Variants in FKTN observed in about 807,000 individuals in gnomAD.
FKTN encodes ribitol-5-phosphate transferase FKTN.
FKTN carries 47 observed loss-of-function variants against 58.6 expected under a neutral mutation model. The observed-to-expected ratio is 0.80, with a 90% CI of 0.63 to 1.02. The LOEUF is 1.02. Among genes scored for constraint, FKTN ranks in the 50% least tolerant of loss-of-function variants. The pLI is 0.00. For synonymous variants in FKTN, 178 were observed against 191.9 expected (o/e 0.93, Z 0.60); for missense variants, 516 against 537.3 (o/e 0.96, Z 0.39).
At chr9:105,586,318 T>C (rs1253124411) in intron 3 of FKTN, among the ~76,000 whole-genome samples, 1 of 152,218 alleles carries the variant, frequency 6.6e-6, no homozygotes, top group Admixed American at 6.5e-5. Context: ...AGGTCTTGGA[T>C]ATACAAACTC....
At chr9:105,580,995 C>G (rs1448177228) in intron 3 of FKTN, among the ~76,000 whole-genome samples, 4 of 138,054 alleles carry the variant, frequency 2.9e-5, no homozygotes, top group African/African-American at 5.9e-5. Flanking sequence ...ACGTAGTTCT[C>G]GAGCCTTGGT....
Position 105,618,042 on chromosome 9 carries a change from ATT to A in FKTN, c.997_998del (p.Leu333SerfsTer29). 6.2e-7 allele frequency: 1 copy of A among 1,608,970 alleles called. No individual in the cohort carries two copies. The highest frequency in any genetic ancestry group is 8.5e-7 in the Non-Finnish European group (1 of 1,175,288). On this transcript the variant is annotated frameshift_variant, in exon 9 of 11. Coordinates refer to ENST00000357998, the MANE Select transcript of FKTN (RefSeq NM_001079802.2). LOFTEE classifies it high-confidence loss of function. ...IFIQDYKSDIILAFQDAGLPL... is the reference protein window; with the variant it reads ...IFIQDYKSDIXLAFQDAGLPL... The stretch of plus-strand genomic sequence containing the variant: ...TATACAAGATTACAAATCTGATATT[ATT>A]TTAGCATTTCAGGATGCAGGACTTC...
In FKTN at chr9:105,596,667, A is replaced by G. The variant is rs2132596452; in HGVS notation, c.165+10A>G. ...TGATAGCACACAGTGGGTATGTAGA[A>G]TAAACAAGAAATTTCTCAATTATAA... is the stretch of plus-strand genomic sequence containing the variant. On this transcript the variant is annotated intron_variant, in intron 4 of 10. Coordinates refer to ENST00000357998, the MANE Select transcript of FKTN (RefSeq NM_001079802.2). The G allele has an allele frequency of 6.3e-7, 1 of 1,583,418 alleles. No individual in the cohort carries two copies. Among genetic ancestry groups the G allele is most frequent in the Non-Finnish European group, 8.7e-7 (1 of 1,152,240 alleles).
intron 1 of FKTN, among the ~76,000 whole-genome samples, chr9:105,559,598 C>G (rs569882785): frequency 6.6e-6 from 1 of 151,740 alleles, no homozygotes; most frequent in Non-Finnish European, 1.5e-5. Flanking sequence ...GCAGGAGAAT[C>G]GCTTGAACTT....
intron 3 of FKTN, among the ~76,000 whole-genome samples, chr9:105,576,230 A>G (rs540590704): frequency 3.0e-4 from 45 of 150,308 alleles, no homozygotes; most frequent in Non-Finnish European, 5.7e-4. Context: ...GGTTAGTTAC[A>G]TATGTATACA....
intron 3 of FKTN, among the ~76,000 whole-genome samples, chr9:105,591,217 A>G (rs2768292): frequency 0.56 from 85,496 of 151,974 alleles, 24,372 homozygotes; most frequent in East Asian, 0.7. Flanking sequence ...TTCACATTGC[A>G]AAATACAATC....
chr9:105,597,049 A>G (rs772952269), intron 4 of FKTN, among the ~76,000 whole-genome samples: 2 of 152,212 alleles, frequency 1.3e-5, no homozygotes, highest in African/African-American at 2.4e-5. Context: ...ATAAAAATCT[A>G]TTCAACCTAT....
In FKTN at chr9:105,601,144, G is replaced by C; in HGVS notation, c.166-1G>C. 6.4e-7 allele frequency: 1 copy of C among 1,560,868 alleles called. No homozygotes were observed. Among genetic ancestry groups the C allele is most frequent in the Non-Finnish European group, 8.8e-7 (1 of 1,133,354 alleles). On this transcript the variant is annotated splice_acceptor_variant, in intron 4 of 10. Transcript: ENST00000357998. LOFTEE classifies it high-confidence loss of function. ...ACGAGAATTCTTTTTCTCTCAAACAGCGTGCAGTTAAAAAATTTATTATGT... is the reference window on the plus strand; with the variant it reads ...ACGAGAATTCTTTTTCTCTCAAACACCGTGCAGTTAAAAAATTTATTATGT...
At chr9:105,559,006 T>C (rs1348935112) in intron 1 of FKTN, among the ~76,000 whole-genome samples, 1 of 152,224 alleles carries the variant, frequency 6.6e-6, no homozygotes, top group East Asian at 1.9e-4. Context: ...CAGGGTGTTC[T>C]GACAAGGAAG....
chr9:105,574,098 T>C (rs1483629757), intron 2 of FKTN: 2 of 152,080 alleles, frequency 1.3e-5, no homozygotes, highest in African/African-American at 2.4e-5. Flanking sequence ...TAGAATACAA[T>C]AGAACTGTAA....
intron 10 of FKTN, among the ~76,000 whole-genome samples, chr9:105,625,924 G>A (rs775397705): frequency 1.3e-5 from 2 of 151,700 alleles, no homozygotes; most frequent in Non-Finnish European, 1.5e-5. Context: ...AGGTAACAGC[G>A]ATGCTAACTT....
chr9:105,636,760 AT>A lies in FKTN; in HGVS notation c.*1497del, dbSNP rs1564360354. 3.1e-6 allele frequency: 4 copies of A among 1,287,978 alleles called. No homozygotes were observed. In the South Asian group the frequency reaches 5.1e-5, roughly 16 times the overall value. 79.8% of individuals were successfully genotyped at this position (1,287,978 alleles called of 1,614,324 possible). A position where few individuals can be genotyped will look rare whatever the true frequency, so the allele number is the denominator to read the frequency against. ...GATTTTCCTCTGACACCAGAGAACA[AT>A]AGTAGTCTCAAGAATGGAAACCTGA... On this transcript the variant is annotated 3_prime_UTR_variant, in exon 11 of 11. Transcript: ENST00000357998.
intron 1 of FKTN, among the ~76,000 whole-genome samples, chr9:105,564,140 C>A (rs1359453311): frequency 6.6e-6 from 1 of 152,162 alleles, no homozygotes; most frequent in African/African-American, 2.4e-5. Flanking sequence ...ACATCAAAAC[C>A]CATTTGTACA....
At chr9:105,622,054 A>G (rs1224208210) in intron 10 of FKTN, among the ~76,000 whole-genome samples, 1 of 152,078 alleles carries the variant, frequency 6.6e-6, no homozygotes, top group African/African-American at 2.4e-5. Flanking sequence ...GTTTGAGAAT[A>G]TGGGTTTATT....
chr9:105,620,016 A>G lies in FKTN; in HGVS notation c.1127A>G (p.His376Arg). 4 of 1,612,892 alleles carry G rather than the reference A, an allele frequency of 2.5e-6. No homozygotes were observed. The highest frequency in any genetic ancestry group is 3.4e-6 in the Non-Finnish European group (4 of 1,179,102). ...DVFFFYEETD[H>R]MWNGGTQAKT... Reference sequence around the variant, plus strand: ...TTTTTCTTCTATGAAGAAACTGATCACATGTGGAATGGAGGCACTCAGGCC... The same window carrying G: ...TTTTTCTTCTATGAAGAAACTGATCGCATGTGGAATGGAGGCACTCAGGCC... Residue 376 changes from histidine (H) to arginine (R), a missense_variant, in exon 10 of 11, where the codon CAC becomes CGC. By Grantham distance (29) the His-to-Arg change is conservative. Transcript: ENST00000357998.
At position 105,612,556 on chromosome 9, in the gene FKTN, A is replaced by T. The variant is rs182593128; in HGVS notation, c.781-2722A>T. Among the ~76,000 whole-genome samples the T allele has an allele frequency of 3.3e-5, 5 of 152,248 alleles. No individual in the cohort carries two copies. In the East Asian group the frequency reaches 9.6e-4, roughly 29 times the overall value. On this transcript the variant is annotated intron_variant, in intron 7 of 10. Coordinates refer to ENST00000357998, the MANE Select transcript of FKTN (RefSeq NM_001079802.2). ...GTCTTTAATCTATCTTGTACAGGAT[A>T]TTTTTAAATGAAAAAAGTATGTATA...
chr9:105,591,216 C>T (rs528570496), intron 3 of FKTN, among the ~76,000 whole-genome samples: 6 of 152,222 alleles, frequency 3.9e-5, no homozygotes, highest in East Asian at 3.9e-4. Flanking sequence ...TTTCACATTG[C>T]AAAATACAAT....
chr9:105,625,313 T>G (rs1832614389), intron 10 of FKTN, among the ~76,000 whole-genome samples: 2 of 152,208 alleles, frequency 1.3e-5, no homozygotes, highest in Admixed American at 1.3e-4. Context: ...AATGGGGAAT[T>G]GCTATTAAGT....
intron 1 of FKTN, among the ~76,000 whole-genome samples, chr9:105,558,581 C>A (rs894089419): frequency 6.6e-6 from 1 of 150,896 alleles, no homozygotes; most frequent in African/African-American, 2.4e-5. Flanking sequence ...TTTACAATTT[C>A]TCATTTAACA....
Sources: gnomAD v4.1 joint callset for allele counts (sites outside exome capture counted in the v4.1 genomes callset) on GRCh38, gnomAD v4.1.1 for gene constraint, MANE v1.5 for transcripts, NCBI Gene and HGNC (gene_info 2026-07-23, HGNC 2026-07-21) for gene names.